The following NPSR1 variants were observed in gnomAD, a reference collection of about 807,000 sequenced individuals.
NPSR1 encodes neuropeptide S receptor 1, also known as neuropeptide S receptor.
NPSR1 carries 48 observed loss-of-function variants against 46.9 expected under a neutral mutation model. The observed-to-expected ratio is 1.02, with a 90% CI of 0.81 to 1.30. The LOEUF (loss-of-function observed/expected upper bound fraction) is 1.30, where lower values mean the gene tolerates loss of function less well. Ranked by LOEUF, NPSR1 falls within the 50% of genes most tolerant of loss-of-function variation. The pLI is 0.00. For missense variants in NPSR1, 450 were observed against 449.5 expected (o/e 1.00, Z -0.01); for synonymous variants, 176 against 168.1 (o/e 1.05, Z -0.36).
At chr7:34,734,848 G>A (rs796280634) in intron 2 of NPSR1, among the ~76,000 whole-genome samples, 9 of 152,318 alleles carry the variant, frequency 5.9e-5, no homozygotes, top group African/African-American at 2.2e-4. Flanking sequence ...ATGAAAACCC[G>A]TGTTACCTGC....
At chr7:34,769,728 G>A (rs1289124623) in intron 2 of NPSR1, among the ~76,000 whole-genome samples, 1 of 152,100 alleles carries the variant, frequency 6.6e-6, no homozygotes, top group African/African-American at 2.4e-5. Flanking sequence ...CCGCTTTTGT[G>A]CTCCAACTGG....
At chr7:34,815,124 G>A (rs1034834751) in intron 4 of NPSR1, among the ~76,000 whole-genome samples, 1 of 152,086 alleles carries the variant, frequency 6.6e-6, no homozygotes, top group African/African-American at 2.4e-5. Context: ...CTACTCCTCC[G>A]AGCTAAAGGA....
chr7:34,761,879 GA>G (rs1451398481), intron 2 of NPSR1, among the ~76,000 whole-genome samples: 1 of 152,186 alleles, frequency 6.6e-6, no homozygotes, highest in Non-Finnish European at 1.5e-5. Context: ...GTGGAGTGAG[GA>G]GGAGAAATAG....
chr7:34,826,306 C>T (rs1204938409), intron 4 of NPSR1, among the ~76,000 whole-genome samples: 1 of 152,104 alleles, frequency 6.6e-6, no homozygotes, highest in Admixed American at 6.5e-5. Context: ...AGAACAGAAC[C>T]CTAGATATTA....
chr7:34,755,948 C>T (rs577007441), intron 2 of NPSR1, among the ~76,000 whole-genome samples: 119 of 152,194 alleles, frequency 7.8e-4, no homozygotes, highest in African/African-American at 2.8e-3. Flanking sequence ...AAACTGAGAC[C>T]GAAGGAGGTT....
At chr7:34,785,219 A>G (rs1787408283) in intron 3 of NPSR1, among the ~76,000 whole-genome samples, 1 of 152,034 alleles carries the variant, frequency 6.6e-6, no homozygotes, top group Non-Finnish European at 1.5e-5. Flanking sequence ...GGATGAGTTC[A>G]TGTCCTTTGT....
intron 2 of NPSR1, among the ~76,000 whole-genome samples, chr7:34,691,149 A>G (rs949602476): frequency 6.6e-5 from 10 of 152,296 alleles, no homozygotes; most frequent in African/African-American, 2.4e-4. Context: ...ATGAAGAAGA[A>G]ATCAAGTCTT....
chr7:34,691,740 G>C (rs188410230), intron 2 of NPSR1, among the ~76,000 whole-genome samples: 357 of 151,990 alleles, frequency 2.3e-3, no homozygotes, highest in African/African-American at 8.4e-3. Flanking sequence ...TAAGAACAAA[G>C]ATGAATAGAA....
At chr7:34,665,135 AAG>A (rs1160793071) in intron 1 of NPSR1, among the ~76,000 whole-genome samples, 1 of 152,236 alleles carries the variant, frequency 6.6e-6, no homozygotes, top group African/African-American at 2.4e-5. Flanking sequence ...AAAGAAAAGA[AAG>A]AGAATTCTGA....
At chr7:34,826,121 A>C (rs936820257) in intron 4 of NPSR1, among the ~76,000 whole-genome samples, 4 of 152,170 alleles carry the variant, frequency 2.6e-5, no homozygotes, top group African/African-American at 7.2e-5. Context: ...AAATGCAGGC[A>C]GGAAAACCTC....
intron 2 of NPSR1, among the ~76,000 whole-genome samples, chr7:34,718,200 G>A (rs1783669772): frequency 6.6e-6 from 1 of 152,122 alleles, no homozygotes; most frequent in African/African-American, 2.4e-5. Flanking sequence ...ATAATAAAAT[G>A]TTAACATAAA....
intron 2 of NPSR1, among the ~76,000 whole-genome samples, chr7:34,761,599 C>T (rs750275207): frequency 6.6e-6 from 1 of 152,112 alleles, no homozygotes; most frequent in Admixed American, 6.5e-5. Context: ...CAGCCTGCTA[C>T]CCCTTAGCTC....
At chr7:34,761,424 C>T (rs529674617) in intron 2 of NPSR1, among the ~76,000 whole-genome samples, 28 of 152,298 alleles carry the variant, frequency 1.8e-4, no homozygotes, top group African/African-American at 6.0e-4. Flanking sequence ...AGGATGTCAG[C>T]AAACCATATA....
At chr7:34,733,035 ACCAATT>A (rs1383504119) in intron 2 of NPSR1, among the ~76,000 whole-genome samples, 1 of 152,264 alleles carries the variant, frequency 6.6e-6, no homozygotes, top group Admixed American at 6.5e-5. Context: ...AATTTCTTGA[ACCAATT>A]CAAAAATTGC....
intron 2 of NPSR1, among the ~76,000 whole-genome samples, chr7:34,738,933 G>A (rs1187025992): frequency 6.6e-6 from 1 of 152,094 alleles, no homozygotes; most frequent in Non-Finnish European, 1.5e-5. Flanking sequence ...TAGCAACCAT[G>A]AGTCTGTCTA....
At chr7:34,853,368 T>A (rs1790979456), downstream of NPSR1, among the ~76,000 whole-genome samples, 2 of 152,244 alleles carry the variant, frequency 1.3e-5, no homozygotes, top group African/African-American at 4.8e-5. Flanking sequence ...TCATCTTATA[T>A]GCAGATCGAC....
At chr7:34,689,035 C>A (rs752719821) in intron 2 of NPSR1, among the ~76,000 whole-genome samples, 4 of 152,200 alleles carry the variant, frequency 2.6e-5, no homozygotes, top group Non-Finnish European at 2.9e-5. Flanking sequence ...CACTTGGCAG[C>A]TGCCCACCAG....
chr7:34,794,057 G>C (rs1298626762), intron 3 of NPSR1, among the ~76,000 whole-genome samples: 4 of 152,128 alleles, frequency 2.6e-5, no homozygotes, highest in African/African-American at 9.7e-5. Flanking sequence ...GTGGTTAGCA[G>C]AAGCTGGTGA....
At chr7:34,831,963 C>G (rs892898561) in intron 5 of NPSR1, among the ~76,000 whole-genome samples, 2 of 152,102 alleles carry the variant, frequency 1.3e-5, no homozygotes, top group African/African-American at 4.8e-5. Flanking sequence ...AGCCCCATGC[C>G]AGGTTGGTGC....
Sources: gnomAD v4.1 joint callset for allele counts (sites outside exome capture counted in the v4.1 genomes callset) on GRCh38, gnomAD v4.1.1 for gene constraint, MANE v1.5 for transcripts, NCBI Gene and HGNC (gene_info 2026-07-23, HGNC 2026-07-21) for gene names.